AFF3: variants seen among roughly 807,000 people sequenced by gnomAD.
AFF3 encodes the protein ALF transcription elongation factor 3, also known as AF4/FMR2 family member 3.
AFF3 carries 32 observed loss-of-function variants against 129.7 expected under a neutral mutation model. That is an observed-to-expected ratio of 0.25 (90% CI 0.19 to 0.33). The LOEUF is 0.33. Ranked by LOEUF, AFF3 falls within the 10% of genes least tolerant of loss-of-function variation. The pLI is 1.00. For synonymous variants in AFF3, 644 were observed against 635.4 expected, an observed-to-expected ratio of 1.01 and a Z score of -0.20; for missense variants, 1,373 against 1,592.0, an observed-to-expected ratio of 0.86 and a Z score of 2.34.
At chr2:100,078,787 T>G (rs1034109447) in intron 4 of AFF3, among the ~76,000 whole-genome samples, 2 of 152,152 alleles carry the variant, frequency 1.3e-5, no homozygotes, top group African/African-American at 4.8e-5. Context: ...GGCATAGTAT[T>G]TCAATATAAT....
chr2:99,989,967 T>A (rs973276904), intron 7 of AFF3, among the ~76,000 whole-genome samples: 1 of 152,218 alleles, frequency 6.6e-6, no homozygotes, highest in Non-Finnish European at 1.5e-5. Flanking sequence ...TTTATTGATG[T>A]AATTGAGTTG....
intron 11 of AFF3, among the ~76,000 whole-genome samples, chr2:99,694,953 T>C (rs1226329167): frequency 6.6e-6 from 1 of 152,190 alleles, no homozygotes; most frequent in East Asian, 1.9e-4. Flanking sequence ...TCCACCCATA[T>C]TGGCCTCCCA....
chr2:99,654,187 C>T (rs1296028598), intron 12 of AFF3, among the ~76,000 whole-genome samples: 1 of 152,158 alleles, frequency 6.6e-6, no homozygotes, highest in East Asian at 1.9e-4. Flanking sequence ...GCCTGCTCTG[C>T]TATTTTTTAA....
At chr2:99,853,456 C>G (rs1289083989) in intron 7 of AFF3, among the ~76,000 whole-genome samples, 1 of 152,152 alleles carries the variant, frequency 6.6e-6, no homozygotes, top group Non-Finnish European at 1.5e-5. Context: ...GCAGATGACT[C>G]TATATAAATT....
At chr2:100,130,875 C>T (rs1456003934) in intron 1 of AFF3, among the ~76,000 whole-genome samples, 5 of 152,026 alleles carry the variant, frequency 3.3e-5, no homozygotes, top group Non-Finnish European at 7.4e-5. Context: ...AGAAGGTTAA[C>T]CACTCACTCT....
chr2:99,856,930 T>C (rs746115638), intron 7 of AFF3, among the ~76,000 whole-genome samples: 1 of 152,128 alleles, frequency 6.6e-6, no homozygotes, highest in South Asian at 2.1e-4. Flanking sequence ...GAGAGAACTA[T>C]TAAACTTTCT....
chr2:99,647,682 C>T (rs532588091), intron 13 of AFF3, among the ~76,000 whole-genome samples: 11 of 152,186 alleles, frequency 7.2e-5, no homozygotes, highest in African/African-American at 1.2e-4. Flanking sequence ...AAAAAGAAAA[C>T]ACACAGAGAA....
chr2:99,608,786 C>T (rs1251670941), intron 13 of AFF3, among the ~76,000 whole-genome samples: 2 of 152,090 alleles, frequency 1.3e-5, no homozygotes, highest in Non-Finnish European at 2.9e-5. Flanking sequence ...TATATCAAAT[C>T]TCCTGATTTT....
intron 7 of AFF3, among the ~76,000 whole-genome samples, chr2:99,847,385 A>G (rs2105849054): frequency 6.6e-6 from 1 of 152,088 alleles, no homozygotes; most frequent in African/African-American, 2.4e-5. Flanking sequence ...CATGTTGGCC[A>G]GGCTGGTCTC....
At chr2:100,035,062 C>G (rs926053902) in intron 4 of AFF3, among the ~76,000 whole-genome samples, 2 of 152,132 alleles carry the variant, frequency 1.3e-5, no homozygotes, top group African/African-American at 4.8e-5. Context: ...ACCACCACAT[C>G]ATAAACAATA....
chr2:100,137,644 C>T (rs1324458498), intron 1 of AFF3, among the ~76,000 whole-genome samples: 1 of 152,106 alleles, frequency 6.6e-6, no homozygotes, highest in East Asian at 1.9e-4. Flanking sequence ...TCAGGATCGC[C>T]CTAAGGGAGT....
intron 7 of AFF3, among the ~76,000 whole-genome samples, chr2:99,861,283 A>G (rs1690979785): frequency 1.3e-5 from 2 of 152,210 alleles, no homozygotes; most frequent in Admixed American, 6.5e-5. Context: ...TGATCCTTTC[A>G]ATGTAAGAAC....
At chr2:99,619,922 AC>A (rs1307453886) in intron 13 of AFF3, among the ~76,000 whole-genome samples, 1 of 152,002 alleles carries the variant, frequency 6.6e-6, no homozygotes, top group Non-Finnish European at 1.5e-5. Flanking sequence ...ATTAACAGTC[AC>A]CCCTTAGGAT....
At chr2:100,106,635 T>A in intron 2 of AFF3, 1 of 987,412 alleles carries the variant, frequency 1.0e-6, no homozygotes. Context: ...GAACAAGAAA[T>A]GTGTCCTGTT....
At chr2:100,010,121 AC>A (rs1322366163) in intron 4 of AFF3, among the ~76,000 whole-genome samples, 4 of 152,328 alleles carry the variant, frequency 2.6e-5, no homozygotes, top group African/African-American at 9.6e-5. Flanking sequence ...GTTTCATGGC[AC>A]TGTTATAAGG....
Position 99,978,931 on chromosome 2 carries a change from G to A in AFF3, c.873+27701C>T, listed in dbSNP as rs541840937. Among the ~76,000 whole-genome samples the A allele has an allele frequency of 9.3e-5, 14 of 150,768 alleles. No individual in the cohort carries two copies. In the South Asian group the frequency reaches 2.9e-3, roughly 32 times the overall value. ...ACACATCACACATACTCAGTGTATG[G>A]TATTTTTGTTACAGCAGCCCACATA... On this transcript the variant is annotated intron_variant, in intron 7 of 24. Transcript: ENST00000672756.
At position 99,635,084 on chromosome 2, in the gene AFF3, T is replaced by TACACATATCTCTATGTATATGATATAC. The variant is rs1453729464; in HGVS notation, c.1184+14541_1184+14542insGTATATCATATACATAGAGATATGTGT. Among the ~76,000 whole-genome samples, 25 of 151,494 alleles carry TACACATATCTCTATGTATATGATATAC rather than the reference T, an allele frequency of 1.7e-4. 1 individual carries two copies. Among genetic ancestry groups the TACACATATCTCTATGTATATGATATAC allele is most frequent in the South Asian group, 4.2e-4 (2 of 4,782 alleles). On this transcript the variant is annotated intron_variant, in intron 13 of 24. Coordinates refer to ENST00000672756, the MANE Select transcript of AFF3 (RefSeq NM_001386135.1). ...ACAACATATCTATGAATATGATATA[T>TACACATATCTCTATGTATATGATATAC]ACACATATCTCTATGTATATGATAT...
At chr2:99,738,159 C>T (rs1457832191) in intron 10 of AFF3, among the ~76,000 whole-genome samples, 3 of 151,988 alleles carry the variant, frequency 2.0e-5, no homozygotes, top group Admixed American at 6.6e-5. Flanking sequence ...CTCGTGGTCT[C>T]GTTTCCTTTT....
At chr2:99,714,245 G>T (rs753142920) in intron 11 of AFF3, among the ~76,000 whole-genome samples, 1 of 152,090 alleles carries the variant, frequency 6.6e-6, no homozygotes, top group African/African-American at 2.4e-5. Flanking sequence ...ACTCTCCCCA[G>T]CCCAAAGCTG....
Sources: allele counts gnomAD v4.1 joint callset (sites outside exome capture counted in the v4.1 genomes callset), GRCh38; gene constraint gnomAD v4.1.1; transcripts MANE v1.5; gene names NCBI Gene and HGNC (gene_info 2026-07-23, HGNC 2026-07-21).